ATF7IP: variants seen among roughly 807,000 people sequenced by gnomAD.
ATF7IP encodes the protein activating transcription factor 7-interacting protein 1.
In ATF7IP, 23 loss-of-function variants were observed where a neutral mutation model predicts 106.4. The ratio of observed to expected loss-of-function variants is 0.22; its 90% CI spans 0.16 to 0.31. The LOEUF is 0.31. Ranked by LOEUF, ATF7IP falls within the 10% of genes least tolerant of loss-of-function variation. The probability of loss-of-function intolerance (pLI) is 1.00; values close to 1 mark genes in which losing one functional copy is unlikely to be tolerated. For synonymous variants in ATF7IP, 542 were observed against 539.0 expected (o/e 1.01, Z -0.08); for missense variants, 1,334 against 1,524.3 (o/e 0.88, Z 2.08).
chr12:14,367,357 G>C (rs1353666576), intron 1 of ATF7IP: 1 of 152,018 alleles, frequency 6.6e-6, no homozygotes, highest in African/African-American at 2.4e-5. Context: ...ATGGAGGTAG[G>C]AAAGATTCTT....
At chr12:14,385,106 C>G (rs1939159548) in intron 1 of ATF7IP, 1 of 345,020 alleles carries the variant, frequency 2.9e-6, no homozygotes, top group African/African-American at 2.1e-5. Context: ...GGCTTGCTGC[C>G]TTCTGTTTTC....
chr12:14,438,655 G>A (rs2136631039), intron 5 of ATF7IP, among the ~76,000 whole-genome samples: 1 of 152,220 alleles, frequency 6.6e-6, no homozygotes, highest in East Asian at 1.9e-4. Context: ...TGTTGTCCTT[G>A]TATGTGTGTC....
In ATF7IP at chr12:14,377,901, T is replaced by TA. The variant is rs572588349; in HGVS notation, c.-8+12075dup. On this transcript the variant is annotated intron_variant, in intron 1 of 14. Coordinates refer to ENST00000261168, the MANE Select transcript of ATF7IP (RefSeq NM_018179.5). ...CCTCAGCCTCCCAAAGTGCTGGGAT[T>TA]ACAGGCATAAGCCACCGTGCCTGGT... 6.5e-3 allele frequency among the ~76,000 whole-genome samples: 987 copies of TA among 152,144 alleles called. 6 individuals are homozygous for TA. The highest frequency in any genetic ancestry group is 0.011 in the Non-Finnish European group (743 of 67,988).
intron 2 of ATF7IP, among the ~76,000 whole-genome samples, chr12:14,430,169 T>G (rs1942048528): frequency 6.6e-6 from 1 of 151,508 alleles, no homozygotes; most frequent in Admixed American, 6.6e-5. Flanking sequence ...AATGGAGAGA[T>G]TTTGGTGTTT....
At chr12:14,426,823 C>CCAAAAAAA (rs1941872599) in intron 2 of ATF7IP, among the ~76,000 whole-genome samples, 1 of 16,022 alleles carries the variant, frequency 6.2e-5, no homozygotes, top group African/African-American at 3.1e-4. Flanking sequence ...GACCCTGCCT[C>CCAAAAAAA]AAAAAAAAAA....
In ATF7IP at chr12:14,500,346, C is replaced by G. The variant is rs898798977; in HGVS notation, c.*2273C>G. Reference sequence around the variant, plus strand: ...TTGCCAAAAAATTAATTCTCCAAACCACCTTTCACTCTCAGAAAATGAGAC... The same window carrying G: ...TTGCCAAAAAATTAATTCTCCAAACGACCTTTCACTCTCAGAAAATGAGAC... On this transcript the variant is annotated 3_prime_UTR_variant, in exon 15 of 15. Transcript: ENST00000261168. 6.6e-6 allele frequency: 1 copy of G among 152,096 alleles called. No homozygotes were observed. Among genetic ancestry groups the G allele is most frequent in the South Asian group, 2.1e-4 (1 of 4,814 alleles). 9.4% of individuals were successfully genotyped at this position (152,096 alleles called of 1,614,324 possible).
At chr12:14,470,721 T>C (rs565055921) in intron 10 of ATF7IP, among the ~76,000 whole-genome samples, 1 of 152,328 alleles carries the variant, frequency 6.6e-6, no homozygotes, top group Admixed American at 6.5e-5. Flanking sequence ...GCACAGAGTC[T>C]AATTGGAGTA....
chr12:14,449,861 A>T (rs531317871), intron 6 of ATF7IP, among the ~76,000 whole-genome samples: 1 of 152,070 alleles, frequency 6.6e-6, no homozygotes, highest in Admixed American at 6.6e-5. Flanking sequence ...TGTGTCTTTA[A>T]ACTTTTTCCA....
intron 1 of ATF7IP, among the ~76,000 whole-genome samples, chr12:14,386,753 A>G (rs1261054412): frequency 6.6e-6 from 1 of 152,164 alleles, no homozygotes; most frequent in African/African-American, 2.4e-5. Context: ...GTACATGACA[A>G]TTATAATCTT....
intron 1 of ATF7IP, among the ~76,000 whole-genome samples, chr12:14,394,348 A>T (rs1360712501): frequency 1.3e-5 from 2 of 152,188 alleles, no homozygotes; most frequent in Admixed American, 6.5e-5. Flanking sequence ...GAGAGTTAAA[A>T]ATATTTTTCT....
At chr12:14,385,524 G>A (rs984814754) in intron 1 of ATF7IP, 15 of 820,346 alleles carry the variant, frequency 1.8e-5, no homozygotes, top group Admixed American at 2.6e-5. Context: ...GAAATGTTTG[G>A]TAGAACCTTT....
In ATF7IP at chr12:14,423,925, T is replaced by C; in HGVS notation, c.10T>C (p.Leu4=). The change falls in exon 2 of 15, where the codon TTA becomes CTA. Residue 4 remains leucine, a synonymous_variant. Coordinates refer to ENST00000261168, the MANE Select transcript of ATF7IP (RefSeq NM_018179.5). MDS[L]EEPQKKVFKA... is the part of the protein sequence containing the mutation. ...TTCTTAAAGATTCAGAATGGACAGT[T>C]TAGAAGAACCTCAGAAAAAAGTCTT... is the stretch of plus-strand genomic sequence containing the variant. 6.2e-7 allele frequency: 1 copy of C among 1,601,440 alleles called. No individual in the cohort carries two copies. Among genetic ancestry groups the C allele is most frequent in the South Asian group, 1.1e-5 (1 of 88,426 alleles).
intron 6 of ATF7IP, among the ~76,000 whole-genome samples, chr12:14,448,266 C>T (rs1282098033): frequency 6.6e-6 from 1 of 152,082 alleles, no homozygotes; most frequent in Non-Finnish European, 1.5e-5. Flanking sequence ...CCCTAGCTTC[C>T]CCTGAGTGGT....
intron 13 of ATF7IP, among the ~76,000 whole-genome samples, chr12:14,493,548 G>A (rs985834750): frequency 1.3e-5 from 2 of 152,176 alleles, no homozygotes; most frequent in African/African-American, 4.8e-5. Flanking sequence ...GGGTCAGGGA[G>A]TGGATGTTGC....
chr12:14,482,099 TAAG>T (rs1377903547), intron 13 of ATF7IP: 1 of 152,254 alleles, frequency 6.6e-6, no homozygotes, highest in Non-Finnish European at 1.5e-5. Flanking sequence ...TTCATCAGGT[TAAG>T]AAGTAGAAAT....
chr12:14,471,289 G>T (rs1175291566), intron 10 of ATF7IP, among the ~76,000 whole-genome samples: 1 of 152,084 alleles, frequency 6.6e-6, no homozygotes, highest in Non-Finnish European at 1.5e-5. Flanking sequence ...AATATAGCAT[G>T]GTTAGTAGTG....
intron 1 of ATF7IP, among the ~76,000 whole-genome samples, chr12:14,404,449 A>G (rs1940441458): frequency 6.6e-6 from 1 of 152,200 alleles, no homozygotes; most frequent in South Asian, 2.1e-4. Flanking sequence ...CTTAAACAGT[A>G]CATTTTTAAG....
At position 14,424,341 on chromosome 12, in the gene ATF7IP, A is replaced by C; in HGVS notation, c.426A>C (p.Gly142=). The change falls in exon 2 of 15, where the codon GGA becomes GGC. Residue 142 remains glycine, a synonymous_variant. Transcript: ENST00000261168. ...GDPAPGDLDA[G]DPASGVLASG... ...CAGCCCCTGGTGATCTGGATGCCGG[A>C]GATCCAGCCTCCGGAGTACTGGCCT... 1 of 1,614,166 alleles carries C rather than the reference A, an allele frequency of 6.2e-7. No homozygotes were observed. Among genetic ancestry groups the C allele is most frequent in the Non-Finnish European group, 8.5e-7 (1 of 1,180,040 alleles).
At chr12:14,494,324 TA>T (rs1944932666) in intron 13 of ATF7IP, among the ~76,000 whole-genome samples, 1 of 112,812 alleles carries the variant, frequency 8.9e-6, no homozygotes, top group Non-Finnish European at 1.8e-5. Context: ...TATATATATA[TA>T]TATATATATG....
Sources: gnomAD v4.1 joint callset for allele counts (sites outside exome capture counted in the v4.1 genomes callset) on GRCh38, gnomAD v4.1.1 for gene constraint, MANE v1.5 for transcripts, NCBI Gene and HGNC (gene_info 2026-07-23, HGNC 2026-07-21) for gene names.